Variants in UBXN8 observed in about 807,000 individuals in gnomAD.
UBXN8 encodes the protein UBX domain protein 8.
Under a neutral mutation model 32.1 loss-of-function variants are expected in UBXN8, and 27 were observed. The ratio of observed to expected loss-of-function variants is 0.84; its 90% CI spans 0.62 to 1.16. The LOEUF is 1.16. UBXN8 is among the 50% of genes most tolerant of loss of function. UBXN8 has a pLI of 0.00. For synonymous variants in UBXN8, 109 were observed against 111.8 expected (o/e 0.98, Z 0.16); for missense variants, 306 against 311.4 (o/e 0.98, Z 0.13).
rs1025527397 is a variant in UBXN8 at position 30,752,103 on chromosome 8, G to A, written c.211+585G>A. 4.6e-5 allele frequency among the ~76,000 whole-genome samples: 7 copies of A among 152,090 alleles called. No individual in the cohort carries two copies. The East Asian group carries it at 1.4e-3, about 29-fold the overall frequency. On this transcript the variant is annotated intron_variant, in intron 2 of 7. Transcript: ENST00000265616. Reference sequence around the variant, plus strand: ...GACAGGGTTTCACCATGTTTACCAGGATGGTCTCGATCTCTTGACCTCGTG... The same window carrying A: ...GACAGGGTTTCACCATGTTTACCAGAATGGTCTCGATCTCTTGACCTCGTG...
rs1358462218 is a variant in UBXN8, at chr8:30,744,277, G to C, written c.88G>C (p.Gly30Arg). Residue 30 changes from glycine to arginine, a missense_variant and splice_region_variant, in exon 1 of 8, where the codon GGA (glycine) becomes CGA (arginine). Coordinates refer to ENST00000265616, the MANE Select transcript of UBXN8 (RefSeq NM_005671.4). Reference sequence around the variant, plus strand: ...GCTCCGGCGTGGGATCCCGGATATAGGTAAGTGTGACTTTTTCCCTTCGAC... The same window carrying C: ...GCTCCGGCGTGGGATCCCGGATATACGTAAGTGTGACTTTTTCCCTTCGAC... ...LELRRGIPDI[G>R]IKDFLLLCGR... is the part of the protein sequence containing the mutation. The C allele has an allele frequency of 1.2e-6, 2 of 1,613,150 alleles. No individual in the cohort carries two copies. The highest frequency in any genetic ancestry group is 1.7e-6 in the Non-Finnish European group (2 of 1,179,600).
intron 3 of UBXN8, among the ~76,000 whole-genome samples, chr8:30,753,625 A>G (rs1436105621): frequency 6.6e-6 from 1 of 152,018 alleles, no homozygotes; most frequent in Non-Finnish European, 1.5e-5. Context: ...CCTCTGTTCC[A>G]TCTTCTGTAA....
intron 1 of UBXN8, chr8:30,734,438 G>A (rs1016619047): frequency 2.0e-5 from 3 of 151,778 alleles, no homozygotes; most frequent in African/African-American, 7.3e-5. Flanking sequence ...AGCAACATAG[G>A]GGAGTTCCTC....
rs771545146 is a variant in UBXN8, at chr8:30,751,449, CTTACT to C, written c.146_150del (p.Thr49AsnfsTer10). 5.6e-6 allele frequency: 9 copies of C among 1,608,862 alleles called. No individual in the cohort carries two copies. The highest frequency in any genetic ancestry group is 7.6e-6 in the Non-Finnish European group (9 of 1,177,192). On this transcript the variant is annotated frameshift_variant, in exon 2 of 8. Coordinates refer to ENST00000265616, the MANE Select transcript of UBXN8 (RefSeq NM_005671.4). LOFTEE classifies it high-confidence loss of function. Reference sequence around the variant, plus strand: ...CCGGATTTTGCTACTGCTTGCTCTTCTTACTTTAACTATTTCTGTGACTACCTCAT... The same window carrying C: ...CCGGATTTTGCTACTGCTTGCTCTTCTTAACTATTTCTGTGACTACCTCAT...
At position 30,744,220 on chromosome 8, in the gene UBXN8, T is replaced by G; in HGVS notation, c.31T>G (p.Phe11Val). 1 of 1,613,856 alleles carries G rather than the reference T, an allele frequency of 6.2e-7. No individual in the cohort carries two copies. The highest frequency in any genetic ancestry group is 1.1e-5 in the South Asian group (1 of 90,996). MASRGVVGIF[F>V]LSAVPLVCLE... The stretch of plus-strand genomic sequence containing the variant: ...TTCACGTGGGGTTGTTGGCATTTTC[T>G]TCCTCTCTGCTGTCCCCCTTGTGTG... Residue 11 changes from phenylalanine to valine, a missense_variant, in exon 1 of 8, where the codon TTC becomes GTC. By Grantham distance (50) the Phe-to-Val change is conservative (BLOSUM62 -1). Coordinates refer to ENST00000265616, the MANE Select transcript of UBXN8 (RefSeq NM_005671.4).
chr8:30,733,674 C>A (rs1805017363), intron 1 of UBXN8, among the ~76,000 whole-genome samples: 1 of 152,190 alleles, frequency 6.6e-6, no homozygotes, highest in Non-Finnish European at 1.5e-5. Context: ...AGAGGGAGGA[C>A]AGATGCCAGC....
At chr8:30,740,987 G>T (rs1805185819), upstream of UBXN8, among the ~76,000 whole-genome samples, 1 of 152,194 alleles carries the variant, frequency 6.6e-6, no homozygotes, top group Non-Finnish European at 1.5e-5. Flanking sequence ...TGTCAAAAAA[G>T]AGGGAAAATC....
chr8:30,750,454 G>A lies in UBXN8; in HGVS notation c.89-942G>A, dbSNP rs185148101. Among the ~76,000 whole-genome samples the A allele has an allele frequency of 2.3e-4, 35 of 152,024 alleles. No homozygotes were observed. The Middle Eastern group carries it at 0.01, about 45-fold the overall frequency. ...CTCACCATTGCACTCCAGCAGCCTG[G>A]GTGGCAGAGCAAGACCAAGAAGAGC... On this transcript the variant is annotated intron_variant, in intron 1 of 7. Transcript: ENST00000265616.
At chr8:30,765,571 T>C (rs902954704) in intron 7 of UBXN8, among the ~76,000 whole-genome samples, 1 of 151,928 alleles carries the variant, frequency 6.6e-6, no homozygotes, top group Non-Finnish European at 1.5e-5. Context: ...TATATAGTTT[T>C]GAGACCGAGT....
chr8:30,729,282 T>G (rs116131681), upstream of UBXN8, among the ~76,000 whole-genome samples: 11,168 of 151,984 alleles, frequency 0.073, 1,157 homozygotes, highest in African/African-American at 0.23. Flanking sequence ...CCCCGTGGAG[T>G]ATCAACGCAG....
chr8:30,751,612 T>C (rs1805526296), intron 2 of UBXN8, 94 bp downstream of exon 2: 1 of 1,057,826 alleles, frequency 9.5e-7, no homozygotes, highest in South Asian at 2.1e-5. Flanking sequence ...TACTATTAAT[T>C]TGTGATGTGT....
intron 1 of UBXN8, among the ~76,000 whole-genome samples, chr8:30,744,833 C>A (rs11988446): frequency 0.034 from 5,246 of 152,096 alleles, 276 homozygotes; most frequent in African/African-American, 0.12. Context: ...GATTGTGACA[C>A]GTTGGAGGAA....
At chr8:30,738,868 AT>A (rs1161641542) in intron 1 of UBXN8, among the ~76,000 whole-genome samples, 1 of 150,638 alleles carries the variant, frequency 6.6e-6, no homozygotes, top group Non-Finnish European at 1.5e-5. Context: ...AGGCAGGAGA[AT>A]CGCTTGAACC....
At chr8:30,744,009 T>C (rs1310412549), upstream of UBXN8, among the ~76,000 whole-genome samples, 1 of 152,220 alleles carries the variant, frequency 6.6e-6, no homozygotes, top group Non-Finnish European at 1.5e-5. Flanking sequence ...GAAACACGGC[T>C]ACAGACTATA....
intron 5 of UBXN8, among the ~76,000 whole-genome samples, chr8:30,759,968 T>TAAAATA (rs1216029152): frequency 7.1e-6 from 1 of 141,636 alleles, no homozygotes; most frequent in African/African-American, 2.7e-5. Context: ...GAAAAATAAA[T>TAAAATA]AAATAAAATA....
rs1202165045 is a variant in UBXN8 at position 30,760,895 on chromosome 8, A to G, written c.536A>G (p.Asp179Gly). The G allele has an allele frequency of 2.6e-6, 4 of 1,536,098 alleles. No homozygotes were observed. The highest frequency in any genetic ancestry group is 3.5e-6 in the Non-Finnish European group (4 of 1,139,776). ...AEQPTCKEIP[D>G]LPEEPSQTAE... Reference sequence around the variant, plus strand: ...ACCAATACTTTTCTTTAGATTCCTGATTTACCTGAAGAACCTTCTCAAACA... The same window carrying G: ...ACCAATACTTTTCTTTAGATTCCTGGTTTACCTGAAGAACCTTCTCAAACA... The change falls in exon 6 of 8, where the codon GAT becomes GGT. Residue 179 changes from aspartate (D) to glycine (G), a missense_variant. Physicochemically the swap from Asp to Gly is moderately conservative, Grantham distance 94. Transcript: ENST00000265616.
At chr8:30,739,261 A>G (rs376999175), upstream of UBXN8, among the ~76,000 whole-genome samples, 8 of 151,000 alleles carry the variant, frequency 5.3e-5, no homozygotes, top group African/African-American at 1.4e-4. Flanking sequence ...TAAATCACAC[A>G]TGGCCGGGTA....
chr8:30,751,371 A>G (rs1805518082), intron 1 of UBXN8, 25 bp from the exon 2 acceptor site: 1 of 1,543,296 alleles, frequency 6.5e-7, no homozygotes, highest in Non-Finnish European at 8.7e-7. Context: ...TTTGAATTTT[A>G]ATTTTAGTTT....
chr8:30,756,755 G>A lies in UBXN8; in HGVS notation c.406-10G>A, dbSNP rs371379373. On this transcript the variant is annotated splice_polypyrimidine_tract_variant and intron_variant, in intron 4 of 7. Transcript: ENST00000265616. ...CATCTCTTTAGAAATTGTCTGTTGT[G>A]TTTGACCAGGGTGATGAAGGTACAA... The A allele has an allele frequency of 6.2e-7, 1 of 1,613,796 alleles. No homozygotes were observed. Among genetic ancestry groups the A allele is most frequent in the African/African-American group, 1.3e-5 (1 of 74,932 alleles).
Sources: gnomAD v4.1 joint callset for allele counts (sites outside exome capture counted in the v4.1 genomes callset) on GRCh38, gnomAD v4.1.1 for gene constraint, MANE v1.5 for transcripts, NCBI Gene and HGNC (gene_info 2026-07-23, HGNC 2026-07-21) for gene names.